The following CSMD1 variants were observed in gnomAD, a reference collection of about 807,000 sequenced individuals.
CSMD1 encodes the protein CUB and Sushi multiple domains 1, also known as CUB and sushi domain-containing protein 1.
A neutral mutation model predicts 417.5 loss-of-function variants in CSMD1; 213 were observed. That is an observed-to-expected ratio of 0.51 (90% CI 0.46 to 0.57). The LOEUF (loss-of-function observed/expected upper bound fraction) is 0.57. Ranked by LOEUF, CSMD1 falls within the 20% of genes least tolerant of loss-of-function variation. CSMD1 has a pLI of 0.00. For missense variants in CSMD1, 6,923 were observed against 4,529.7 expected (o/e 1.53, Z -15.17); for synonymous variants, 2,862 against 1,736.8 (o/e 1.65, Z -16.11).
At chr8:4,034,441 T>C (rs1797513462) in intron 3 of CSMD1, among the ~76,000 whole-genome samples, 1 of 152,206 alleles carries the variant, frequency 6.6e-6, no homozygotes, top group Non-Finnish European at 1.5e-5. Flanking sequence ...ATTTTTGTCT[T>C]TTTTAATAAG....
At chr8:3,041,212 T>G (rs907157582) in intron 50 of CSMD1, among the ~76,000 whole-genome samples, 28 of 152,254 alleles carry the variant, frequency 1.8e-4, no homozygotes, top group Admixed American at 4.6e-4. Flanking sequence ...AGCAAATAAT[T>G]TAGAAAATTC....
At chr8:3,881,478 T>C (rs1387672836) in intron 5 of CSMD1, among the ~76,000 whole-genome samples, 1 of 150,500 alleles carries the variant, frequency 6.6e-6, no homozygotes, top group Non-Finnish European at 1.5e-5. Context: ...CTACTAAAAA[T>C]ACAAAAAAAT....
intron 25 of CSMD1, among the ~76,000 whole-genome samples, chr8:3,298,232 G>T (rs1233279619): frequency 6.6e-6 from 1 of 152,144 alleles, no homozygotes; most frequent in East Asian, 1.9e-4. Context: ...CCTGGCCTCA[G>T]TGTATACCCA....
chr8:4,231,849 T>C (rs1406965184), intron 3 of CSMD1, among the ~76,000 whole-genome samples: 1 of 152,208 alleles, frequency 6.6e-6, no homozygotes, highest in Non-Finnish European at 1.5e-5. Flanking sequence ...TCTGTACATG[T>C]ATATGATAAA....
chr8:3,838,562 A>ATG (rs1254431127), intron 5 of CSMD1, among the ~76,000 whole-genome samples: 1 of 143,474 alleles, frequency 7.0e-6, no homozygotes, highest in Non-Finnish European at 1.5e-5. Context: ...CTGTAGATAT[A>ATG]TATAGTCTCT....
chr8:3,293,136 AG>A (rs1803703834), intron 25 of CSMD1, among the ~76,000 whole-genome samples: 1 of 117,274 alleles, frequency 8.5e-6, no homozygotes, highest in South Asian at 3.4e-4. Flanking sequence ...CTTTCTTTTA[AG>A]AATGTTGAAT....
At chr8:3,275,290 A>G (rs533939885) in intron 26 of CSMD1, among the ~76,000 whole-genome samples, 31 of 152,242 alleles carry the variant, frequency 2.0e-4, no homozygotes, top group Middle Eastern at 6.8e-3. Flanking sequence ...GTTTCTGTCA[A>G]GAGATCTGCT....
chr8:4,344,215 C>G lies in CSMD1; in HGVS notation c.415+75738G>C, dbSNP rs77974528. Among the ~76,000 whole-genome samples the G allele has an allele frequency of 3.2e-3, 492 of 152,180 alleles. 4 individuals carry two copies. The highest frequency in any genetic ancestry group is 0.01 in the African/African-American group (431 of 41,544). On this transcript the variant is annotated intron_variant, in intron 3 of 69. Transcript: ENST00000635120. ...CTGTAACCGTCTCCATGGAGACTTT[C>G]CTCTGTTTTCCCAAAGGTGCCTCTG...
chr8:4,497,046 C>T (rs1220236938), intron 2 of CSMD1, among the ~76,000 whole-genome samples: 1 of 152,188 alleles, frequency 6.6e-6, no homozygotes, highest in African/African-American at 2.4e-5. Context: ...TCCTCTCTGT[C>T]TCTTTCTCCT....
At chr8:4,566,572 G>T (rs1249831796) in intron 2 of CSMD1, among the ~76,000 whole-genome samples, 1 of 144,908 alleles carries the variant, frequency 6.9e-6, no homozygotes, top group African/African-American at 2.5e-5. Flanking sequence ...AGAGTGGCGT[G>T]AACCCAGGAG....
At chr8:4,784,783 A>G (rs2117204741) in intron 1 of CSMD1, among the ~76,000 whole-genome samples, 2 of 152,368 alleles carry the variant, frequency 1.3e-5, no homozygotes, top group South Asian at 4.1e-4. Context: ...CTCTCTTCAT[A>G]TAACATGAAA....
chr8:3,109,962 T>G (rs1003129897), intron 43 of CSMD1, among the ~76,000 whole-genome samples, 196 bp downstream of exon 43: 3 of 152,122 alleles, frequency 2.0e-5, no homozygotes, highest in Admixed American at 6.6e-5. Context: ...ATTCTGCCTA[T>G]TTCTACCATG....
chr8:3,779,186 T>C (rs941304555), intron 5 of CSMD1, among the ~76,000 whole-genome samples: 2 of 148,854 alleles, frequency 1.3e-5, no homozygotes, highest in Non-Finnish European at 3.0e-5. Context: ...TGTGTGTGTA[T>C]GTGCAGTATT....
chr8:4,492,272 T>A (rs1790682719), intron 2 of CSMD1, among the ~76,000 whole-genome samples: 2 of 152,228 alleles, frequency 1.3e-5, no homozygotes, highest in Admixed American at 1.3e-4. Flanking sequence ...TAATGTTTTG[T>A]CTACACGGGA....
chr8:4,304,795 C>A (rs1362325070), intron 3 of CSMD1, among the ~76,000 whole-genome samples: 1 of 152,164 alleles, frequency 6.6e-6, no homozygotes, highest in Non-Finnish European at 1.5e-5. Context: ...TCATCCTAAG[C>A]CATACCTTGG....
intron 2 of CSMD1, among the ~76,000 whole-genome samples, chr8:4,429,091 C>T (rs1373957861): frequency 6.6e-6 from 1 of 151,758 alleles, no homozygotes; most frequent in Non-Finnish European, 1.5e-5. Context: ...ATATGTCCAT[C>T]ATAAAATGAT....
In CSMD1 at chr8:3,142,576, A is replaced by C; in HGVS notation, c.6130T>G (p.Phe2044Val). The C allele has an allele frequency of 6.2e-7, 1 of 1,613,980 alleles. No individual in the cohort carries two copies. Among genetic ancestry groups the C allele is most frequent in the South Asian group, 1.1e-5 (1 of 91,068 alleles). The change falls in exon 41 of 70, where the codon TTT (phenylalanine) becomes GTT (valine). Residue 2044 changes from phenylalanine (F) to valine (V), a missense_variant. Physicochemically the swap from Phe to Val is conservative, Grantham distance 50. Transcript: ENST00000635120. ...GCCGCGGGGAGATCCGTGCCGCTAA[A>C]TTGTCCAATCATGGGGCTGGTGTGG... ...PYHTSPMIGQFSGTDLPAALL... is the reference protein window; with the variant it reads ...PYHTSPMIGQVSGTDLPAALL...
intron 40 of CSMD1, among the ~76,000 whole-genome samples, chr8:3,146,866 TA>T (rs1282115873): frequency 6.6e-6 from 1 of 152,136 alleles, no homozygotes; most frequent in Non-Finnish European, 1.5e-5. Context: ...TCAAAATAAT[TA>T]TTTGACTAAA....
At chr8:4,442,575 T>A (rs562582967) in intron 2 of CSMD1, among the ~76,000 whole-genome samples, 2 of 152,330 alleles carry the variant, frequency 1.3e-5, no homozygotes, top group South Asian at 4.1e-4. Flanking sequence ...TTATCTTGTT[T>A]CACTTATAGC....
Sources: allele counts gnomAD v4.1 joint callset (sites outside exome capture counted in the v4.1 genomes callset), GRCh38; gene constraint gnomAD v4.1.1; transcripts MANE v1.5; gene names NCBI Gene and HGNC (gene_info 2026-07-23, HGNC 2026-07-21).